MAPKAP1: variants seen among roughly 807,000 people sequenced by gnomAD.
The protein encoded by MAPKAP1 is target of rapamycin complex 2 subunit MAPKAP1.
In MAPKAP1, 20 loss-of-function variants were observed where a neutral mutation model predicts 65.7. The ratio of observed to expected loss-of-function variants is 0.30; its 90% confidence interval spans 0.21 to 0.44. The LOEUF (loss-of-function observed/expected upper bound fraction) is 0.44, where lower values mean the gene tolerates loss of function less well. MAPKAP1 is among the 20% of genes least tolerant of loss of function. The probability of loss-of-function intolerance (pLI) is 1.00; values close to 1 mark genes in which losing one functional copy is unlikely to be tolerated. For missense variants in MAPKAP1, 423 were observed against 648.0 expected (o/e 0.65, Z 3.77); for synonymous variants, 222 against 244.3 (o/e 0.91, Z 0.85).
chr9:125,571,892 C>A (rs1302182809), intron 5 of MAPKAP1, among the ~76,000 whole-genome samples: 2 of 151,840 alleles, frequency 1.3e-5, no homozygotes, highest in Non-Finnish European at 2.9e-5. Flanking sequence ...AATAGAATAT[C>A]CTGCTGATCC....
chr9:125,623,787 T>G (rs1348200830), intron 4 of MAPKAP1, among the ~76,000 whole-genome samples: 3 of 29,474 alleles, frequency 1.0e-4, no homozygotes, highest in African/African-American at 1.6e-4. Context: ...CGGCCAGCCG[T>G]GCCGTCCGGG....
chr9:125,557,306 G>A (rs1250683115), intron 6 of MAPKAP1, among the ~76,000 whole-genome samples: 2 of 152,112 alleles, frequency 1.3e-5, no homozygotes, highest in African/African-American at 4.8e-5. Flanking sequence ...TCAAAAGACT[G>A]CTATGATCAT....
chr9:125,576,729 C>T (rs1165818021), intron 5 of MAPKAP1, among the ~76,000 whole-genome samples: 4 of 152,186 alleles, frequency 2.6e-5, no homozygotes, highest in South Asian at 2.1e-4. Context: ...CTGTGTTGGC[C>T]GGGCTGGTCT....
At position 125,438,943 on chromosome 9, in the gene MAPKAP1, GT is replaced by G; in HGVS notation, c.1512del (p.Lys504AsnfsTer2). 6.2e-7 allele frequency: 1 copy of G among 1,614,216 alleles called. No individual in the cohort carries two copies. Among genetic ancestry groups the G allele is most frequent in the Non-Finnish European group, 8.5e-7 (1 of 1,180,026 alleles). On this transcript the variant is annotated frameshift_variant, in exon 12 of 12. Coordinates refer to ENST00000265960, the MANE Select transcript of MAPKAP1 (RefSeq NM_001006617.3). LOFTEE classifies it high-confidence loss of function. The stretch of plus-strand genomic sequence containing the variant: ...AAGCTGAAGCTCGTACGTCTGTTCA[GT>G]TTTCTTTGTTTTTGAGCAAAGTAGT... ...RADYFAQKQR[K>X]LNRRTSFSFQ...
At chr9:125,550,090 C>T (rs1315271064) in intron 6 of MAPKAP1, among the ~76,000 whole-genome samples, 2 of 152,154 alleles carry the variant, frequency 1.3e-5, no homozygotes, top group South Asian at 2.1e-4. Context: ...GGGTCCCAGG[C>T]GGGGTTCCAT....
At chr9:125,691,677 A>C (rs141006565) in intron 1 of MAPKAP1, among the ~76,000 whole-genome samples, 2 of 152,164 alleles carry the variant, frequency 1.3e-5, no homozygotes, top group Non-Finnish European at 2.9e-5. Context: ...CAAAAAACAG[A>C]AGCTGGAAAA....
Position 125,439,633 on chromosome 9 carries a change from C to T in MAPKAP1, c.1444-621G>A, listed in dbSNP as rs1852407589. On this transcript the variant is annotated intron_variant, in intron 11 of 11. Transcript: ENST00000265960. This position sits in a 1 kb window ranked among gnomAD's most constrained non-coding sequence, Gnocchi z 4.0. ...GAGCTGTGAGGGGGCTGAAAGAGCC[C>T]TGTGTGAAGGGCGGGGCTGCCTCCT... 6.6e-6 allele frequency among the ~76,000 whole-genome samples: 1 copy of T among 152,234 alleles called. No individual in the cohort carries two copies.
chr9:125,510,895 G>C (rs1162127634), intron 7 of MAPKAP1, among the ~76,000 whole-genome samples: 1 of 152,126 alleles, frequency 6.6e-6, no homozygotes, highest in Non-Finnish European at 1.5e-5. Context: ...GTAATGAGAG[G>C]CAGGGTATAT....
At chr9:125,597,470 T>G (rs963537614) in intron 4 of MAPKAP1, among the ~76,000 whole-genome samples, 2 of 152,098 alleles carry the variant, frequency 1.3e-5, no homozygotes, top group Admixed American at 1.3e-4. Flanking sequence ...AATATCCATA[T>G]CAAGTGAGTT....
chr9:125,702,647 T>A (rs1031619600), intron 1 of MAPKAP1, among the ~76,000 whole-genome samples: 2 of 150,654 alleles, frequency 1.3e-5, no homozygotes, highest in African/African-American at 4.9e-5. Flanking sequence ...AGGTCAAGAG[T>A]TCAAGACCAG....
intron 4 of MAPKAP1, among the ~76,000 whole-genome samples, chr9:125,655,124 T>C (rs1259525468): frequency 1.3e-5 from 2 of 152,074 alleles, no homozygotes; most frequent in Non-Finnish European, 2.9e-5. Context: ...AAGAAAAAAC[T>C]GGAGTATCAA....
intron 1 of MAPKAP1, among the ~76,000 whole-genome samples, chr9:125,702,704 T>C (rs1835637798): frequency 6.6e-6 from 1 of 151,032 alleles, no homozygotes; most frequent in Non-Finnish European, 1.5e-5. Flanking sequence ...ATACAAAAAT[T>C]AGCTGGGCGT....
Position 125,438,899 on chromosome 9 carries a change from G to A in MAPKAP1, c.1557C>T (p.Ser519=), listed in dbSNP as rs1852380779. ...TSFSFQKEKK[S]GQQ ...CTGGAGGCCAGTGTCACTGCTGCCCGGATTTCTTCTCCTTCTGGAAGCTGA... is the reference window on the plus strand; with the variant it reads ...CTGGAGGCCAGTGTCACTGCTGCCCAGATTTCTTCTCCTTCTGGAAGCTGA... The change falls in exon 12 of 12, where the codon TCC becomes TCT. Residue 519 remains serine, a synonymous_variant. Coordinates refer to ENST00000265960, the MANE Select transcript of MAPKAP1 (RefSeq NM_001006617.3). 1.2e-6 allele frequency: 2 copies of A among 1,614,172 alleles called. No homozygotes were observed. Among genetic ancestry groups the A allele is most frequent in the Non-Finnish European group, 1.7e-6 (2 of 1,180,006 alleles).
In MAPKAP1 at chr9:125,439,136, G is replaced by T; in HGVS notation, c.1444-124C>A. ...GTGCCTCAGGGCCAGGTGCTGTCGT[G>T]TGGAAGGAGTCCAGTCATCACAGCA... On this transcript the variant is annotated intron_variant, in intron 11 of 11. Transcript: ENST00000265960. The surrounding 1 kb of genome is among the most constrained non-coding windows in gnomAD (Gnocchi z 4.0). The T allele has an allele frequency of 1.9e-6, 2 of 1,049,802 alleles. No homozygotes were observed. Among genetic ancestry groups the T allele is most frequent in the Non-Finnish European group, 2.7e-6 (2 of 734,146 alleles). 65.0% of individuals were successfully genotyped at this position (1,049,802 alleles called of 1,614,324 possible). A position where few individuals can be genotyped will look rare whatever the true frequency, so the allele number is the denominator to read the frequency against.
At chr9:125,681,671 A>ATGAG (rs1834826004) in intron 1 of MAPKAP1, among the ~76,000 whole-genome samples, 1 of 152,268 alleles carries the variant, frequency 6.6e-6, no homozygotes, top group African/African-American at 2.4e-5. Flanking sequence ...AAATCAAGGT[A>ATGAG]TGAGACAACC....
intron 6 of MAPKAP1, among the ~76,000 whole-genome samples, chr9:125,553,935 G>T (rs1216932865): frequency 6.6e-6 from 1 of 151,902 alleles, no homozygotes; most frequent in Non-Finnish European, 1.5e-5. Context: ...TACTTGGGAG[G>T]CTGAGGTGGG....
intron 1 of MAPKAP1, among the ~76,000 whole-genome samples, chr9:125,674,998 A>G (rs1834603851): frequency 6.6e-6 from 1 of 152,250 alleles, no homozygotes; most frequent in African/African-American, 2.4e-5. Flanking sequence ...ATGAGCATTT[A>G]AATTTCACTT....
chr9:125,593,028 G>A (rs967251831), intron 4 of MAPKAP1, among the ~76,000 whole-genome samples: 2 of 151,686 alleles, frequency 1.3e-5, no homozygotes, highest in Admixed American at 1.3e-4. Flanking sequence ...TGGGCATGGT[G>A]GCTCACACCT....
intron 4 of MAPKAP1, among the ~76,000 whole-genome samples, chr9:125,612,103 G>T (rs1832617521): frequency 6.6e-6 from 1 of 152,044 alleles, no homozygotes; most frequent in Non-Finnish European, 1.5e-5. Context: ...GGAAATGCTT[G>T]TTTCTAAATA....
Sources: gnomAD v4.1 joint callset for allele counts (sites outside exome capture counted in the v4.1 genomes callset) on GRCh38, gnomAD v4.1.1 for gene constraint, Gnocchi (gnomAD v3.1) non-coding constraint, MANE v1.5 for transcripts, NCBI Gene and HGNC (gene_info 2026-07-23, HGNC 2026-07-21) for gene names.